RNF38: variants seen among roughly 807,000 people sequenced by gnomAD.
RNF38 encodes the protein E3 ubiquitin-protein ligase RNF38.
A neutral mutation model predicts 67.2 loss-of-function variants in RNF38; 15 were observed. That is an observed-to-expected ratio of 0.22 (90% CI 0.15 to 0.34). The LOEUF is 0.34. Among genes scored for constraint, RNF38 ranks in the 10% least tolerant of loss-of-function variants. The pLI is 1.00. For missense variants in RNF38, 524 were observed against 639.9 expected, an observed-to-expected ratio of 0.82 and a Z score of 1.95; for synonymous variants, 220 against 218.8, an observed-to-expected ratio of 1.01 and a Z score of -0.05.
At chr9:36,398,107 C>T (rs548144352) in intron 1 of RNF38, among the ~76,000 whole-genome samples, 2 of 152,248 alleles carry the variant, frequency 1.3e-5, no homozygotes, top group Admixed American at 6.5e-5. Flanking sequence ...TATTGCTTGC[C>T]TGCCATATGC....
At chr9:36,424,826 C>T (rs1283851513) in intron 1 of RNF38, 1 of 178,770 alleles carries the variant, frequency 5.6e-6, no homozygotes, top group Non-Finnish European at 1.1e-5. Flanking sequence ...ATTATTCATG[C>T]ATTTTAACAG....
At chr9:36,483,426 CAA>C (rs1292477149) in intron 1 of RNF38, among the ~76,000 whole-genome samples, 1 of 152,054 alleles carries the variant, frequency 6.6e-6, no homozygotes, top group Non-Finnish European at 1.5e-5. Flanking sequence ...GCTGCACCTC[CAA>C]AGTGGGTTTC....
At chr9:36,359,727 T>C (rs1015157154) in intron 4 of RNF38, among the ~76,000 whole-genome samples, 1 of 126,738 alleles carries the variant, frequency 7.9e-6, no homozygotes, top group Admixed American at 1.0e-4. Context: ...GGACTGAATT[T>C]TATATTAAGA....
At chr9:36,425,291 T>A (rs1838739641) in intron 1 of RNF38, among the ~76,000 whole-genome samples, 2 of 152,222 alleles carry the variant, frequency 1.3e-5, no homozygotes, top group Admixed American at 6.5e-5. Flanking sequence ...CCCATTTTTT[T>A]TAAAAAAAGT....
chr9:36,403,791 T>C (rs1489151337), upstream of RNF38, among the ~76,000 whole-genome samples: 1 of 152,234 alleles, frequency 6.6e-6, no homozygotes, highest in Non-Finnish European at 1.5e-5. Context: ...ACTGATCACC[T>C]AGTGAACAAA....
intron 2 of RNF38, among the ~76,000 whole-genome samples, chr9:36,377,019 T>C (rs1199574094): frequency 1.3e-5 from 2 of 151,844 alleles, no homozygotes; most frequent in East Asian, 3.9e-4. Flanking sequence ...AGTTCTTAAC[T>C]AGAATATCAC....
intron 1 of RNF38, among the ~76,000 whole-genome samples, chr9:36,461,156 G>A (rs377316595): frequency 6.6e-6 from 1 of 151,980 alleles, no homozygotes; most frequent in Admixed American, 6.6e-5. Flanking sequence ...CGGAGATTGC[G>A]GTGAGCCAAG....
intron 2 of RNF38, among the ~76,000 whole-genome samples, chr9:36,413,877 C>CACTAA (rs1423618310): frequency 6.6e-6 from 1 of 152,104 alleles, no homozygotes; most frequent in Non-Finnish European, 1.5e-5. Context: ...CTGCTGTTTT[C>CACTAA]TAGTAGCAAT....
At chr9:36,403,346 C>T (rs543049948), upstream of RNF38, among the ~76,000 whole-genome samples, 1 of 152,218 alleles carries the variant, frequency 6.6e-6, no homozygotes, top group East Asian at 1.9e-4. Flanking sequence ...TCTGCCCCAT[C>T]GAAAAGGCTG....
intron 4 of RNF38, among the ~76,000 whole-genome samples, chr9:36,365,574 A>G (rs1424844429): frequency 2.0e-5 from 3 of 152,136 alleles, no homozygotes; most frequent in Non-Finnish European, 1.5e-5. Context: ...ACTCTGTCTC[A>G]AAAAATAAAT....
intron 1 of RNF38, among the ~76,000 whole-genome samples, chr9:36,442,749 A>T (rs1022821791): frequency 4.6e-5 from 7 of 152,272 alleles, no homozygotes; most frequent in Non-Finnish European, 1.0e-4. Flanking sequence ...ATTGCACTCT[A>T]GCCTGGCAAC....
intron 1 of RNF38, among the ~76,000 whole-genome samples, chr9:36,462,019 A>G (rs1031913492): frequency 6.6e-6 from 1 of 152,188 alleles, no homozygotes; most frequent in African/African-American, 2.4e-5. Context: ...AGGTTGGCAA[A>G]AAGTATATGC....
At chr9:36,348,231 G>A (rs1315139425) in intron 9 of RNF38, among the ~76,000 whole-genome samples, 1 of 152,066 alleles carries the variant, frequency 6.6e-6, no homozygotes, top group Non-Finnish European at 1.5e-5. Flanking sequence ...TTCTCATTGG[G>A]CACAGTGGCT....
chr9:36,480,247 G>A (rs539467961), intron 1 of RNF38, among the ~76,000 whole-genome samples: 1 of 152,220 alleles, frequency 6.6e-6, no homozygotes, highest in East Asian at 1.9e-4. Context: ...CCAAAGTGCT[G>A]AGATTACAGA....
intron 1 of RNF38, among the ~76,000 whole-genome samples, chr9:36,434,874 T>C (rs533742133): frequency 3.3e-5 from 5 of 152,292 alleles, no homozygotes; most frequent in Admixed American, 6.5e-5. Flanking sequence ...GTGGAAAGAA[T>C]AGTGCCTGGC....
intron 8 of RNF38, among the ~76,000 whole-genome samples, chr9:36,351,933 T>C (rs1292017831): frequency 7.9e-5 from 12 of 152,198 alleles, no homozygotes; most frequent in Admixed American, 7.9e-4. Context: ...CCATTAACAT[T>C]GTTCATAGTC....
chr9:36,398,108 T>C (rs768049073), intron 1 of RNF38, among the ~76,000 whole-genome samples: 13 of 152,222 alleles, frequency 8.5e-5, no homozygotes, highest in Non-Finnish European at 7.3e-5. Flanking sequence ...ATTGCTTGCC[T>C]GCCATATGCT....
At chr9:36,389,572 G>A (rs544447914) in intron 2 of RNF38, among the ~76,000 whole-genome samples, 44 of 152,266 alleles carry the variant, frequency 2.9e-4, no homozygotes, top group African/African-American at 1.1e-3. Context: ...AACAAAAAGA[G>A]TTAATACATG....
intron 5 of RNF38, 25 bp from the exon 6 acceptor site, chr9:36,356,498 G>C: frequency 6.6e-7 from 1 of 1,515,116 alleles, no homozygotes; most frequent in Non-Finnish European, 8.8e-7. Flanking sequence ...ATTACAGTTT[G>C]GTTAAAAATA....
Sources: allele counts gnomAD v4.1 joint callset (sites outside exome capture counted in the v4.1 genomes callset), GRCh38; gene constraint gnomAD v4.1.1; transcripts MANE v1.5; gene names NCBI Gene and HGNC (gene_info 2026-07-23, HGNC 2026-07-21).